RGS7BP: variants seen among roughly 807,000 people sequenced by gnomAD.
RGS7BP encodes the protein regulator of G protein signaling 7 binding protein, also known as regulator of G protein signaling 7-binding protein.
Under a neutral mutation model 31.3 loss-of-function variants are expected in RGS7BP, and 9 were observed. The ratio of observed to expected loss-of-function variants is 0.29; its 90% CI spans 0.17 to 0.50. RGS7BP has a LOEUF of 0.50. RGS7BP is among the 20% of genes least tolerant of loss of function. The probability of loss-of-function intolerance (pLI) is 0.98; values close to 1 mark genes in which losing one functional copy is unlikely to be tolerated. For synonymous variants in RGS7BP, 115 were observed against 120.1 expected, an observed-to-expected ratio of 0.96 and a Z score of 0.28; for missense variants, 274 against 322.0, an observed-to-expected ratio of 0.85 and a Z score of 1.14.
intron 3 of RGS7BP, among the ~76,000 whole-genome samples, chr5:64,583,487 TA>T (rs1561343424): frequency 2.0e-5 from 3 of 151,166 alleles, no homozygotes; most frequent in Non-Finnish European, 4.4e-5. Flanking sequence ...AGAGCAGAGG[TA>T]GGGGGAGGGA....
intron 5 of RGS7BP, among the ~76,000 whole-genome samples, chr5:64,606,070 G>A (rs536711787): frequency 6.7e-6 from 1 of 149,656 alleles, no homozygotes. Flanking sequence ...AAGGCTGAGC[G>A]AGAAGAATTT....
intron 2 of RGS7BP, among the ~76,000 whole-genome samples, chr5:64,549,386 A>G (rs530437160): frequency 1.3e-5 from 2 of 152,350 alleles, no homozygotes; most frequent in East Asian, 1.9e-4. Context: ...TCTGTCCTCC[A>G]GGTCAACTGG....
chr5:64,592,858 C>G (rs1260061170), intron 3 of RGS7BP, among the ~76,000 whole-genome samples: 1 of 152,092 alleles, frequency 6.6e-6, no homozygotes, highest in African/African-American at 2.4e-5. Context: ...TTTGCTGCTT[C>G]CCCTCATCTC....
intron 4 of RGS7BP, among the ~76,000 whole-genome samples, chr5:64,597,218 T>A (rs925775073): frequency 1.3e-5 from 2 of 152,084 alleles, no homozygotes; most frequent in African/African-American, 4.8e-5. Flanking sequence ...AAAAGATGAG[T>A]TCTCCCCTAC....
intron 2 of RGS7BP, among the ~76,000 whole-genome samples, chr5:64,569,448 G>T (rs1052544841): frequency 1.2e-4 from 19 of 152,042 alleles, no homozygotes; most frequent in Admixed American, 7.2e-4. Context: ...GATTAACTGG[G>T]CTTCTTTTTT....
chr5:64,575,606 T>G lies in RGS7BP; in HGVS notation c.333-168T>G, dbSNP rs1021203738. 3.9e-6 allele frequency: 5 copies of G among 1,268,640 alleles called. No individual in the cohort carries two copies. The African/African-American group carries it at 7.7e-5, about 20-fold the overall frequency. 78.6% of individuals were successfully genotyped at this position (1,268,640 alleles called of 1,614,324 possible). A position where few individuals can be genotyped will look rare whatever the true frequency, so the allele number is the denominator to read the frequency against. On this transcript the variant is annotated intron_variant, in intron 2 of 5. Coordinates refer to ENST00000334025, the MANE Select transcript of RGS7BP (RefSeq NM_001029875.3). Reference sequence around the variant, plus strand: ...ACTGTTAGTCAGAAAGAGACTTACATAAGAACTGTCACATTGGTCATTGGT... The same window carrying G: ...ACTGTTAGTCAGAAAGAGACTTACAGAAGAACTGTCACATTGGTCATTGGT...
intron 5 of RGS7BP, among the ~76,000 whole-genome samples, chr5:64,602,429 T>C (rs1743242678): frequency 6.6e-6 from 1 of 152,220 alleles, no homozygotes; most frequent in East Asian, 1.9e-4. Flanking sequence ...GAGCTCCTAC[T>C]CACAAATGTG....
At chr5:64,558,781 T>C (rs553024022) in intron 2 of RGS7BP, among the ~76,000 whole-genome samples, 1 of 152,256 alleles carries the variant, frequency 6.6e-6, no homozygotes, top group South Asian at 2.1e-4. Context: ...TTAACAGCCC[T>C]GGGAAAAGAA....
intron 2 of RGS7BP, among the ~76,000 whole-genome samples, chr5:64,569,621 T>A (rs1742257608): frequency 1.3e-5 from 2 of 152,240 alleles, no homozygotes; most frequent in Middle Eastern, 3.4e-3. Context: ...CCCCCAACTA[T>A]CCAATGATTA....
chr5:64,530,878 CAA>C (rs776451101), intron 2 of RGS7BP, among the ~76,000 whole-genome samples: 13 of 151,832 alleles, frequency 8.6e-5, no homozygotes, highest in Non-Finnish European at 1.8e-4. Context: ...CATGGGGAAA[CAA>C]GAGAAAAGGG....
At chr5:64,536,664 T>C (rs1002329957) in intron 2 of RGS7BP, among the ~76,000 whole-genome samples, 1 of 152,190 alleles carries the variant, frequency 6.6e-6, no homozygotes, top group African/African-American at 2.4e-5. Context: ...AGGGAAACTT[T>C]CCATTCCCTC....
At chr5:64,551,917 G>C (rs1368434998) in intron 2 of RGS7BP, among the ~76,000 whole-genome samples, 2 of 152,006 alleles carry the variant, frequency 1.3e-5, no homozygotes, top group African/African-American at 4.8e-5. Flanking sequence ...TATTTGTTCA[G>C]CTGACATCCT....
In RGS7BP at chr5:64,506,803, G is replaced by T; in HGVS notation, c.165+14G>T. On this transcript the variant is annotated intron_variant, in intron 1 of 5. Coordinates refer to ENST00000334025, the MANE Select transcript of RGS7BP (RefSeq NM_001029875.3). The surrounding 1 kb of genome is among the most constrained non-coding windows in gnomAD (Gnocchi z 4.6). ...GACTGCAAGATGGTGGGTGAAAACT[G>T]CGCCTCTTTTTTTTTTTTTTTAATT... 1.3e-6 allele frequency: 2 copies of T among 1,507,798 alleles called. No individual in the cohort carries two copies. The highest frequency in any genetic ancestry group is 1.8e-6 in the Non-Finnish European group (2 of 1,120,988). The allele number at this position is 1,507,798 out of a possible 1,614,324, so 93.4% of individuals were successfully genotyped here.
intron 2 of RGS7BP, among the ~76,000 whole-genome samples, chr5:64,546,573 T>G (rs1433720137): frequency 1.3e-5 from 2 of 151,936 alleles, no homozygotes; most frequent in African/African-American, 4.8e-5. Flanking sequence ...TGAAACAAGA[T>G]GGGGAGGTGA....
In RGS7BP at chr5:64,611,453, G is replaced by C. The variant is rs1274492472; in HGVS notation, c.*2201G>C. On this transcript the variant is annotated 3_prime_UTR_variant, in exon 6 of 6. Transcript: ENST00000334025. ...TTCATTCTCACCTTAGCCTCAGTGT[G>C]AAAGTAACACTTACCTTCTGTGCAA... 6.6e-6 allele frequency: 1 copy of C among 152,128 alleles called. No individual in the cohort carries two copies. Among genetic ancestry groups the C allele is most frequent in the Non-Finnish European group, 1.5e-5 (1 of 67,850 alleles). The allele number at this position is 152,128 out of a possible 1,614,324, so 9.4% of individuals were successfully genotyped here.
intron 2 of RGS7BP, among the ~76,000 whole-genome samples, chr5:64,560,267 T>A (rs1012627934): frequency 2.6e-5 from 4 of 152,218 alleles, no homozygotes; most frequent in Admixed American, 2.6e-4. Flanking sequence ...GGTTCCTGGA[T>A]CAGCTGGGAA....
At chr5:64,561,812 C>A (rs116207657) in intron 2 of RGS7BP, among the ~76,000 whole-genome samples, 1 of 152,062 alleles carries the variant, frequency 6.6e-6, no homozygotes, top group Non-Finnish European at 1.5e-5. Context: ...CTAACCTAAA[C>A]GTTTGCTAAT....
intron 2 of RGS7BP, among the ~76,000 whole-genome samples, chr5:64,566,064 T>C (rs1742162147): frequency 6.6e-6 from 1 of 152,116 alleles, no homozygotes; most frequent in Non-Finnish European, 1.5e-5. Flanking sequence ...AAGAAAGCTC[T>C]AACTATCCTC....
At chr5:64,526,494 T>A (rs996748673) in intron 2 of RGS7BP, among the ~76,000 whole-genome samples, 1 of 152,186 alleles carries the variant, frequency 6.6e-6, no homozygotes, top group Non-Finnish European at 1.5e-5. Context: ...GAAGGCAGTC[T>A]TTTCCTAATT....
Sources: gnomAD v4.1 joint callset for allele counts (sites outside exome capture counted in the v4.1 genomes callset) on GRCh38, gnomAD v4.1.1 for gene constraint, Gnocchi (gnomAD v3.1) non-coding constraint, MANE v1.5 for transcripts, NCBI Gene and HGNC (gene_info 2026-07-23, HGNC 2026-07-21) for gene names.